Variants in ELP4 observed in about 807,000 individuals in gnomAD.
The protein encoded by ELP4 is elongator acetyltransferase complex subunit 4, also known as elongator complex protein 4.
ELP4 carries 51 observed loss-of-function variants against 48.9 expected under a neutral mutation model. That is an observed-to-expected ratio of 1.04 (90% confidence interval 0.83 to 1.32). The LOEUF (loss-of-function observed/expected upper bound fraction) is 1.32, where lower values mean the gene tolerates loss of function less well. Among genes scored for constraint, ELP4 ranks in the 40% most tolerant of loss-of-function variants. The pLI is 0.00. For synonymous variants in ELP4, 210 were observed against 189.2 expected, an observed-to-expected ratio of 1.11 and a Z score of -0.90; for missense variants, 519 against 514.6, an observed-to-expected ratio of 1.01 and a Z score of -0.08.
chr11:31,629,881 A>C (rs1944822674), intron 6 of ELP4, among the ~76,000 whole-genome samples: 1 of 151,834 alleles, frequency 6.6e-6, no homozygotes, highest in South Asian at 2.1e-4. Context: ...ATGAACTTTA[A>C]ATTCTTGCCA....
At chr11:31,749,293 A>G (rs1036333262) in intron 9 of ELP4, among the ~76,000 whole-genome samples, 1 of 152,262 alleles carries the variant, frequency 6.6e-6, no homozygotes, top group Non-Finnish European at 1.5e-5. Flanking sequence ...TTATGAAAGC[A>G]TCAGAAAACT....
intron 3 of ELP4, among the ~76,000 whole-genome samples, chr11:31,566,172 A>G (rs553688968): frequency 2.6e-5 from 4 of 152,240 alleles, no homozygotes; most frequent in East Asian, 3.9e-4. Context: ...AGCCTGGGCA[A>G]CATGGTGAAA....
In ELP4 at chr11:31,661,241, A is replaced by G. The variant is rs919426593; in HGVS notation, c.1143+11020A>G. ...TAGGATTAACAAAAGTAATTTAACA[A>G]TGGGTTTGAATCAAGAAGCAAATAA... On this transcript the variant is annotated intron_variant, in intron 9 of 9. Coordinates refer to ENST00000640961, the MANE Select transcript of ELP4 (RefSeq NM_019040.5). Among the ~76,000 whole-genome samples the G allele has an allele frequency of 5.3e-5, 8 of 152,042 alleles. 1 individual carries two copies. Among genetic ancestry groups the G allele is most frequent in the Admixed American group, 2.6e-4 (4 of 15,242 alleles).
intron 9 of ELP4, among the ~76,000 whole-genome samples, chr11:31,718,233 C>T (rs1160279315): frequency 6.6e-6 from 1 of 152,178 alleles, no homozygotes; most frequent in Non-Finnish European, 1.5e-5. Context: ...AAATTTCTGC[C>T]TACCTAAATG....
At chr11:31,630,402 C>T (rs1158531073) in intron 6 of ELP4, among the ~76,000 whole-genome samples, 4 of 151,510 alleles carry the variant, frequency 2.6e-5, no homozygotes, top group South Asian at 2.1e-4. Context: ...AATCTCAGCT[C>T]CCTGCAACCT....
intron 3 of ELP4, among the ~76,000 whole-genome samples, chr11:31,559,417 A>G (rs1318502430): frequency 2.6e-5 from 4 of 152,218 alleles, no homozygotes; most frequent in Admixed American, 6.5e-5. Flanking sequence ...TACATGTCTG[A>G]AAGTCTATTA....
At chr11:31,756,296 T>C (rs972442282) in intron 9 of ELP4, among the ~76,000 whole-genome samples, 1 of 152,218 alleles carries the variant, frequency 6.6e-6, no homozygotes. Flanking sequence ...AAGCCTTCAT[T>C]GATTCACCAC....
chr11:31,641,539 A>T (rs1475442968), intron 7 of ELP4, among the ~76,000 whole-genome samples: 2 of 151,862 alleles, frequency 1.3e-5, no homozygotes, highest in Non-Finnish European at 2.9e-5. Context: ...AAAATAAGAC[A>T]CCCTGAGTTT....
At chr11:31,581,311 A>C (rs146736336) in intron 3 of ELP4, among the ~76,000 whole-genome samples, 2 of 152,264 alleles carry the variant, frequency 1.3e-5, no homozygotes, top group African/African-American at 4.8e-5. Context: ...GTATTAGTTC[A>C]TCCCTTGTTT....
At chr11:31,767,722 A>G (rs534004477) in intron 9 of ELP4, 62 of 152,238 alleles carry the variant, frequency 4.1e-4, no homozygotes, top group African/African-American at 1.5e-3. Context: ...TTATTCATAG[A>G]AAAGCTTTCT....
At chr11:31,731,028 A>C (rs937851570) in intron 9 of ELP4, among the ~76,000 whole-genome samples, 1 of 152,202 alleles carries the variant, frequency 6.6e-6, no homozygotes, top group African/African-American at 2.4e-5. Flanking sequence ...AGTTTAGAGA[A>C]GACACATCAG....
At chr11:31,712,436 A>G (rs914260552) in intron 9 of ELP4, among the ~76,000 whole-genome samples, 3 of 152,152 alleles carry the variant, frequency 2.0e-5, no homozygotes, top group Non-Finnish European at 2.9e-5. Flanking sequence ...AGGTTTCACC[A>G]GGTAATACAT....
intron 1 of ELP4, among the ~76,000 whole-genome samples, chr11:31,518,342 G>T (rs1956155473): frequency 6.6e-6 from 1 of 151,672 alleles, no homozygotes; most frequent in Non-Finnish European, 1.5e-5. Context: ...CTGACTTCAG[G>T]TGATCCGCCC....
At position 31,786,014 on chromosome 11, in the gene ELP4, GAT is replaced by G; in HGVS notation, c.*2492_*2493del. On this transcript the variant is annotated 3_prime_UTR_variant, in exon 10 of 10. Coordinates refer to ENST00000640961, the MANE Select transcript of ELP4 (RefSeq NM_019040.5). The stretch of plus-strand genomic sequence containing the variant: ...CTAGATTTGCCTTTCTTTAACATGA[GAT>G]AAATATTTTGACTACTGCAGTTTGC... 1 of 202,802 alleles carries G rather than the reference GAT, an allele frequency of 4.9e-6. No homozygotes were observed. The highest frequency in any genetic ancestry group is 1.0e-5 in the Non-Finnish European group (1 of 98,590). 12.6% of individuals were successfully genotyped at this position (202,802 alleles called of 1,614,324 possible). A position where few individuals can be genotyped will look rare whatever the true frequency, so the allele number is the denominator to read the frequency against.
At chr11:31,514,981 G>A (rs887699769) in intron 1 of ELP4, among the ~76,000 whole-genome samples, 1 of 150,016 alleles carries the variant, frequency 6.7e-6, no homozygotes, top group African/African-American at 2.5e-5. Context: ...GAAGAATAGA[G>A]AAATTTTGCT....
chr11:31,724,085 GC>G (rs1337850925), intron 9 of ELP4, among the ~76,000 whole-genome samples: 1 of 152,152 alleles, frequency 6.6e-6, no homozygotes, highest in Non-Finnish European at 1.5e-5. Context: ...CCCCCACATT[GC>G]CCAGCCCGAG....
intron 9 of ELP4, among the ~76,000 whole-genome samples, chr11:31,710,944 C>T (rs1946729983): frequency 6.6e-6 from 1 of 152,116 alleles, no homozygotes; most frequent in African/African-American, 2.4e-5. Flanking sequence ...TAACTATGAG[C>T]ACGGAGTCTA....
intron 9 of ELP4, among the ~76,000 whole-genome samples, chr11:31,769,185 T>A (rs895129508): frequency 1.3e-5 from 2 of 152,076 alleles, no homozygotes; most frequent in Non-Finnish European, 2.9e-5. Flanking sequence ...GTTGGGAGAT[T>A]TAATGCTGCC....
chr11:31,691,612 G>C (rs1003608072), intron 9 of ELP4, among the ~76,000 whole-genome samples: 2 of 151,982 alleles, frequency 1.3e-5, no homozygotes, highest in Non-Finnish European at 2.9e-5. Context: ...GGTAAATTTA[G>C]AATTGCCTTA....
Sources: gnomAD v4.1 joint callset for allele counts (sites outside exome capture counted in the v4.1 genomes callset) on GRCh38, gnomAD v4.1.1 for gene constraint, MANE v1.5 for transcripts, NCBI Gene and HGNC (gene_info 2026-07-23, HGNC 2026-07-21) for gene names.